The following NEBL variants were observed in gnomAD, a reference collection of about 807,000 sequenced individuals.
NEBL encodes LIM and SH3 protein 2.
Under a neutral mutation model 140.2 loss-of-function variants are expected in NEBL, and 122 were observed. The ratio of observed to expected loss-of-function variants is 0.87; its 90% CI spans 0.75 to 1.01. NEBL has a LOEUF of 1.01. NEBL is among the 50% of genes least tolerant of loss of function. The probability of loss-of-function intolerance (pLI) is 0.00; values close to 1 mark genes in which losing one functional copy is unlikely to be tolerated. For missense variants in NEBL, 1,365 were observed against 1,231.3 expected (o/e 1.11, Z -1.62); for synonymous variants, 436 against 398.9 (o/e 1.09, Z -1.11).
At chr10:21,268,895 T>C (rs911310228) in intron 1 of NEBL, among the ~76,000 whole-genome samples, 1 of 152,182 alleles carries the variant, frequency 6.6e-6, no homozygotes, top group African/African-American at 2.4e-5. Context: ...GGCATACAAC[T>C]CATAAGGTGA....
intron 18 of NEBL, among the ~76,000 whole-genome samples, chr10:20,824,302 G>T (rs1300211696): frequency 2.0e-5 from 3 of 152,124 alleles, no homozygotes; most frequent in Non-Finnish European, 4.4e-5. Flanking sequence ...TGTTTAAAAT[G>T]ATTAAGGGTG....
intron 5 of NEBL, among the ~76,000 whole-genome samples, chr10:20,872,827 C>T (rs908709203): frequency 2.0e-5 from 3 of 152,136 alleles, no homozygotes; most frequent in African/African-American, 4.8e-5. Flanking sequence ...AACATCAGGC[C>T]GGTACCCTAC....
intron 3 of NEBL, among the ~76,000 whole-genome samples, chr10:21,188,981 A>G (rs1191869429): frequency 6.6e-6 from 1 of 152,170 alleles, no homozygotes; most frequent in Non-Finnish European, 1.5e-5. Flanking sequence ...TACAATATAT[A>G]TAAGATTTTT....
At chr10:21,150,861 ACTT>A (rs1840109674) in intron 2 of NEBL, among the ~76,000 whole-genome samples, 1 of 152,190 alleles carries the variant, frequency 6.6e-6, no homozygotes, top group Admixed American at 6.5e-5. Context: ...AATTTCACCA[ACTT>A]CTTCAACCCT....
intron 3 of NEBL, among the ~76,000 whole-genome samples, chr10:21,236,909 T>G (rs982283199): frequency 5.9e-5 from 9 of 152,206 alleles, no homozygotes; most frequent in Non-Finnish European, 1.5e-5. Context: ...CCTAGTAAGA[T>G]AGGTACTATT....
chr10:21,142,596 T>G (rs767436871), intron 2 of NEBL, among the ~76,000 whole-genome samples: 1 of 152,194 alleles, frequency 6.6e-6, no homozygotes, highest in Non-Finnish European at 1.5e-5. Context: ...TTTAAAATCA[T>G]GGAAAAATGA....
At chr10:20,945,775 A>C (rs1290344661) in intron 4 of NEBL, among the ~76,000 whole-genome samples, 1 of 152,236 alleles carries the variant, frequency 6.6e-6, no homozygotes, top group African/African-American at 2.4e-5. Context: ...CAGATATAAC[A>C]TATAATCAAT....
chr10:20,986,326 A>C (rs890211959), intron 3 of NEBL, among the ~76,000 whole-genome samples: 2 of 152,246 alleles, frequency 1.3e-5, no homozygotes, highest in African/African-American at 4.8e-5. Flanking sequence ...TAGGGCTAAC[A>C]GTAATGGAAA....
At chr10:21,189,285 T>C (rs1323333203) in intron 3 of NEBL, among the ~76,000 whole-genome samples, 1 of 152,050 alleles carries the variant, frequency 6.6e-6, no homozygotes, top group African/African-American at 2.4e-5. Flanking sequence ...GGAGGCAATG[T>C]GACCACACAG....
At chr10:21,210,182 A>C (rs555697835) in intron 3 of NEBL, among the ~76,000 whole-genome samples, 9 of 152,316 alleles carry the variant, frequency 5.9e-5, no homozygotes, top group Non-Finnish European at 7.4e-5. Context: ...ACCTGAGGTC[A>C]GGAATTTGAG....
chr10:21,103,569 G>A (rs961612241), intron 2 of NEBL, among the ~76,000 whole-genome samples: 5 of 152,044 alleles, frequency 3.3e-5, no homozygotes, highest in African/African-American at 1.2e-4. Context: ...AACAAAAGTG[G>A]TTTTACTTTG....
At chr10:21,061,149 A>T (rs957641001) in intron 2 of NEBL, among the ~76,000 whole-genome samples, 9 of 151,578 alleles carry the variant, frequency 5.9e-5, no homozygotes, top group Non-Finnish European at 1.3e-4. Context: ...TTTTTTATAT[A>T]TGATACATGT....
At chr10:20,988,565 C>T (rs1489025115) in intron 3 of NEBL, among the ~76,000 whole-genome samples, 1 of 152,120 alleles carries the variant, frequency 6.6e-6, no homozygotes, top group Non-Finnish European at 1.5e-5. Context: ...GACTTTGCCC[C>T]CAGAATTAAC....
rs917396461 is a variant in NEBL at position 20,888,008 on chromosome 10, A to G, written c.369+89T>C. The G allele has an allele frequency of 4.3e-6, 4 of 920,366 alleles. No individual in the cohort carries two copies. The South Asian group carries it at 5.4e-5, about 12-fold the overall frequency. 57.0% of individuals were successfully genotyped at this position (920,366 alleles called of 1,614,324 possible). A position where few individuals can be genotyped will look rare whatever the true frequency, so the allele number is the denominator to read the frequency against. On this transcript the variant is annotated intron_variant, in intron 4 of 27. Coordinates refer to ENST00000377122, the MANE Select transcript of NEBL (RefSeq NM_006393.3). ...TTTCATTTGGTATTTAACACCCATG[A>G]TGAAAACGTTTTATTAAAACGCTAA...
At chr10:21,225,399 G>A (rs1010055294) in intron 3 of NEBL, among the ~76,000 whole-genome samples, 1 of 152,090 alleles carries the variant, frequency 6.6e-6, no homozygotes, top group African/African-American at 2.4e-5. Flanking sequence ...TACCGCCTAT[G>A]TTCACTCAAG....
chr10:20,909,964 T>C (rs548935693), intron 4 of NEBL, among the ~76,000 whole-genome samples: 1 of 152,174 alleles, frequency 6.6e-6, no homozygotes, highest in East Asian at 1.9e-4. Context: ...TGAATAAATA[T>C]GTCCTTTGTA....
intron 4 of NEBL, among the ~76,000 whole-genome samples, chr10:20,908,605 C>A (rs1357407215): frequency 6.6e-6 from 1 of 152,140 alleles, no homozygotes; most frequent in Non-Finnish European, 1.5e-5. Flanking sequence ...GTTTAACAAT[C>A]AACTCTCTCA....
intron 1 of NEBL, among the ~76,000 whole-genome samples, chr10:21,278,717 C>T (rs757102072): frequency 6.6e-6 from 1 of 152,162 alleles, no homozygotes; most frequent in Non-Finnish European, 1.5e-5. Context: ...GTTTTAGAAC[C>T]ATTGAGAGTA....
intron 26 of NEBL, among the ~76,000 whole-genome samples, chr10:20,789,430 C>G (rs1468743376): frequency 1.3e-5 from 2 of 152,288 alleles, no homozygotes; most frequent in Middle Eastern, 3.4e-3. Context: ...GGAAAATAGG[C>G]TATCTCACAC....
Sources: allele counts gnomAD v4.1 joint callset (sites outside exome capture counted in the v4.1 genomes callset), GRCh38; gene constraint gnomAD v4.1.1; transcripts MANE v1.5; gene names NCBI Gene and HGNC (gene_info 2026-07-23, HGNC 2026-07-21).